TSPAN16: variants seen among roughly 807,000 people sequenced by gnomAD.
TSPAN16 encodes the protein tetraspanin 16, also known as tetraspanin-16.
Under a neutral mutation model 25.2 loss-of-function variants are expected in TSPAN16, and 23 were observed. That is an observed-to-expected ratio of 0.91 (90% CI 0.66 to 1.29). The LOEUF (loss-of-function observed/expected upper bound fraction) is 1.29. Ranked by LOEUF, TSPAN16 falls within the 50% of genes most tolerant of loss-of-function variation. TSPAN16 has a pLI of 0.00. For missense variants in TSPAN16, 272 were observed against 299.9 expected (o/e 0.91, Z 0.69); for synonymous variants, 123 against 124.4 (o/e 0.99, Z 0.08).
chr19:11,319,634 CA>C (rs979031743), downstream of TSPAN16, among the ~76,000 whole-genome samples: 1 of 150,654 alleles, frequency 6.6e-6, no homozygotes, highest in African/African-American at 2.4e-5. Flanking sequence ...AACAAAAAAA[CA>C]AAAAAAGGAG....
intron 6 of TSPAN16, among the ~76,000 whole-genome samples, chr19:11,326,551 C>G (rs1227460059): frequency 6.6e-6 from 1 of 152,224 alleles, no homozygotes. Context: ...AGCTTCCACC[C>G]AATTTCTGCT....
intron 4 of TSPAN16, among the ~76,000 whole-genome samples, chr19:11,303,844 C>T (rs911485131): frequency 2.0e-5 from 3 of 151,462 alleles, no homozygotes; most frequent in Non-Finnish European, 2.9e-5. Flanking sequence ...AGTGCAGTGG[C>T]GCAATCTTGG....
chr19:11,297,041 A>G (rs2080486040), intron 1 of TSPAN16, among the ~76,000 whole-genome samples: 2 of 152,170 alleles, frequency 1.3e-5, no homozygotes, highest in Admixed American at 1.3e-4. Context: ...ACTCTGTCTC[A>G]ATAAAAAAAT....
chr19:11,303,077 CG>C (rs1306838193), intron 4 of TSPAN16, among the ~76,000 whole-genome samples: 1 of 150,034 alleles, frequency 6.7e-6, no homozygotes, highest in Non-Finnish European at 1.5e-5. Context: ...TCATTGAGAA[CG>C]GGCCAGGATG....
chr19:11,301,820 C>T (rs78773589), intron 4 of TSPAN16, among the ~76,000 whole-genome samples: 5,668 of 139,130 alleles, frequency 0.041, 286 homozygotes, highest in African/African-American at 0.14. Context: ...TGAAATGTAT[C>T]GTTTAACATT....
In TSPAN16 at chr19:11,302,660, CATATATAT is replaced by C. The variant is rs772111584; in HGVS notation, c.450+1364_450+1371del. Among the ~76,000 whole-genome samples the C allele has an allele frequency of 2.2e-4, 22 of 97,838 alleles. 1 individual carries two copies. Among genetic ancestry groups the C allele is most frequent in the African/African-American group, 1.2e-3 (22 of 19,032 alleles). The allele number at this position is 97,838 out of a possible 152,430, so 64.2% of individuals were successfully genotyped here. A position where few individuals can be genotyped will look rare whatever the true frequency, so the allele number is the denominator to read the frequency against. ...ACACATACATATATATATACACATACATATATATATATATATATACACACACACACACA... is the reference window on the plus strand; with the variant it reads ...ACACATACATATATATATACACATACATATATATATACACACACACACACA... On this transcript the variant is annotated intron_variant, in intron 4 of 6. Coordinates refer to ENST00000590327, the MANE Select transcript of TSPAN16 (RefSeq NM_001282509.2).
intron 1 of TSPAN16, among the ~76,000 whole-genome samples, 188 bp from the exon 2 acceptor site, chr19:11,297,954 A>ATT (rs34399771): frequency 0.047 from 7,080 of 149,184 alleles, 568 homozygotes; most frequent in African/African-American, 0.16. Context: ...ACTACTGGCT[A>ATT]TTTTTTTTTT....
At chr19:11,302,866 G>A (rs1376766473) in intron 4 of TSPAN16, among the ~76,000 whole-genome samples, 2 of 150,446 alleles carry the variant, frequency 1.3e-5, no homozygotes, top group African/African-American at 2.4e-5. Context: ...CTGCAGGTTC[G>A]TGCCACCATG....
At chr19:11,307,309 G>A (rs1448445214) in intron 5 of TSPAN16, among the ~76,000 whole-genome samples, 2 of 148,272 alleles carry the variant, frequency 1.3e-5, no homozygotes, top group African/African-American at 5.0e-5. Context: ...TACTAGAGAT[G>A]GGGTTTCCTC....
intron 4 of TSPAN16, among the ~76,000 whole-genome samples, chr19:11,302,842 T>C (rs995809346): frequency 6.6e-6 from 1 of 151,126 alleles, no homozygotes; most frequent in Non-Finnish European, 1.5e-5. Flanking sequence ...CCTCAGCCTC[T>C]TGAGTAGCTG....
intron 4 of TSPAN16, among the ~76,000 whole-genome samples, chr19:11,303,706 A>G (rs2080595522): frequency 6.6e-6 from 1 of 150,914 alleles, no homozygotes; most frequent in African/African-American, 2.5e-5. Flanking sequence ...ACTCCTTTCC[A>G]CAGTGGCTGC....
intron 5 of TSPAN16, among the ~76,000 whole-genome samples, chr19:11,307,626 G>A (rs551641298): frequency 3.5e-4 from 51 of 146,200 alleles, no homozygotes; most frequent in African/African-American, 1.1e-3. Flanking sequence ...TGAGGCCTTA[G>A]TATGTTGCCC....
At chr19:11,302,675 A>G (rs866185165) in intron 4 of TSPAN16, among the ~76,000 whole-genome samples, 6 of 90,688 alleles carry the variant, frequency 6.6e-5, no homozygotes, top group African/African-American at 3.9e-4. Flanking sequence ...ATATATATAT[A>G]TATACACACA....
chr19:11,319,909 GGTTC>G (rs2080767613), downstream of TSPAN16, among the ~76,000 whole-genome samples: 2 of 152,012 alleles, frequency 1.3e-5, no homozygotes, highest in Admixed American at 6.5e-5. Context: ...CCACCTCCCG[GGTTC>G]ACGCCATTCT....
intron 4 of TSPAN16, among the ~76,000 whole-genome samples, chr19:11,304,959 TA>T (rs34791668): frequency 5.2e-4 from 76 of 145,192 alleles, no homozygotes; most frequent in East Asian, 6.0e-4. Flanking sequence ...CTTCATTTAT[TA>T]AAAAAAAAAA....
downstream of TSPAN16, among the ~76,000 whole-genome samples, chr19:11,320,208 G>GC (rs2080770277): frequency 7.0e-6 from 1 of 143,410 alleles, no homozygotes; most frequent in Non-Finnish European, 1.5e-5. Flanking sequence ...CCCAACTTCT[G>GC]CCCCACTTGT....
intron 4 of TSPAN16, among the ~76,000 whole-genome samples, chr19:11,303,786 G>A (rs1024795928): frequency 2.6e-5 from 4 of 151,138 alleles, no homozygotes; most frequent in Non-Finnish European, 5.9e-5. Flanking sequence ...GTCATTTTCT[G>A]GGTTTGTTTT....
intron 5 of TSPAN16, 46 bp downstream of exon 5, chr19:11,306,802 G>A (rs774929962): frequency 7.1e-6 from 11 of 1,547,106 alleles, no homozygotes; most frequent in Non-Finnish European, 9.7e-6. Flanking sequence ...CCTGAGGGCT[G>A]GTGACTTCAT....
Position 11,312,315 on chromosome 19 carries a change from A to G in TSPAN16, c.687+93A>G, listed in dbSNP as rs535796473. On this transcript the variant is annotated intron_variant, in intron 6 of 6. Coordinates refer to ENST00000590327, the MANE Select transcript of TSPAN16 (RefSeq NM_001282509.2). ...TCTGGTCACTGGGACACAGGAGTGA[A>G]CAAAACTAAAAAAAAAAAAAAAAAG... The G allele has an allele frequency of 1.9e-5, 12 of 622,628 alleles. No homozygotes were observed. The African/African-American group carries it at 2.0e-4, about 10-fold the overall frequency. 38.6% of individuals were successfully genotyped at this position (622,628 alleles called of 1,614,324 possible). A position where few individuals can be genotyped will look rare whatever the true frequency, so the allele number is the denominator to read the frequency against.
Sources: allele counts gnomAD v4.1 joint callset (sites outside exome capture counted in the v4.1 genomes callset), GRCh38; gene constraint gnomAD v4.1.1; transcripts MANE v1.5; gene names NCBI Gene and HGNC (gene_info 2026-07-23, HGNC 2026-07-21).